The following AVEN variants were observed in gnomAD, a reference collection of about 807,000 sequenced individuals.
AVEN encodes the protein cell death regulator Aven.
Under a neutral mutation model 38.1 loss-of-function variants are expected in AVEN, and 41 were observed. The ratio of observed to expected loss-of-function variants is 1.08; its 90% CI spans 0.84 to 1.40. The LOEUF (loss-of-function observed/expected upper bound fraction) is 1.40, where lower values mean the gene tolerates loss of function less well. AVEN is among the 40% of genes most tolerant of loss of function. The pLI, the probability that AVEN is intolerant of heterozygous loss-of-function variation, is 0.00. For missense variants in AVEN, 605 were observed against 438.8 expected (o/e 1.38, Z -3.38); for synonymous variants, 206 against 171.8 (o/e 1.20, Z -1.56).
At chr15:33,908,800 A>G (rs188703879) in intron 2 of AVEN, among the ~76,000 whole-genome samples, 57 of 152,320 alleles carry the variant, frequency 3.7e-4, no homozygotes, top group African/African-American at 1.0e-3. Flanking sequence ...AAGACAAATA[A>G]TTCAGTTAAT....
At chr15:33,909,026 A>G (rs1187428484) in intron 2 of AVEN, among the ~76,000 whole-genome samples, 1 of 152,180 alleles carries the variant, frequency 6.6e-6, no homozygotes, top group Non-Finnish European at 1.5e-5. Context: ...TACCCCCTGT[A>G]GTGGTTTTCT....
downstream of AVEN, chr15:33,865,276 A>G (rs1567375291): frequency 1.5e-6 from 2 of 1,336,378 alleles, no homozygotes; most frequent in Admixed American, 3.6e-5. Flanking sequence ...TTCCCATGAA[A>G]TAAAGTCCCC....
chr15:33,950,230 T>C (rs1425753947), intron 2 of AVEN, among the ~76,000 whole-genome samples: 2 of 152,184 alleles, frequency 1.3e-5, no homozygotes, highest in African/African-American at 2.4e-5. Context: ...GGGGAGATGC[T>C]GGTCAAAGGG....
chr15:33,867,454 A>G, intron 5 of AVEN, 41 bp downstream of exon 5: 2 of 1,535,338 alleles, frequency 1.3e-6, no homozygotes, highest in East Asian at 4.5e-5. Context: ...TTGAAAAAAC[A>G]CCAGAATCAA....
chr15:33,993,764 C>T (rs946066384), intron 2 of AVEN, among the ~76,000 whole-genome samples: 4 of 152,098 alleles, frequency 2.6e-5, no homozygotes, highest in African/African-American at 7.2e-5. Context: ...TAGAGGTGAC[C>T]GCAATCATGA....
chr15:33,859,616 T>C lies in AVEN; in HGVS notation n.2730-522A>G, dbSNP rs562542953. 5.0e-6 allele frequency: 8 copies of C among 1,614,024 alleles called. No homozygotes were observed. The East Asian group carries it at 8.9e-5, about 18-fold the overall frequency. On this transcript the variant is annotated intron_variant and non_coding_transcript_variant, in intron 11 of 11. Coordinates refer to the AVEN transcript ENST00000675287. ...TGTACGTGGGAGTGAGAGCAGGAGG[T>C]GGCATTGGTGATGAAATTGAAGACC...
At chr15:33,987,549 C>T (rs971915485) in intron 2 of AVEN, among the ~76,000 whole-genome samples, 3 of 152,196 alleles carry the variant, frequency 2.0e-5, no homozygotes, top group Non-Finnish European at 4.4e-5. Context: ...CTTTGCCCAT[C>T]CCCTTCTTCT....
At chr15:33,982,618 C>T (rs910049397) in intron 2 of AVEN, among the ~76,000 whole-genome samples, 4 of 151,828 alleles carry the variant, frequency 2.6e-5, no homozygotes, top group African/African-American at 9.7e-5. Flanking sequence ...AAATGTTTAC[C>T]CATATCTACC....
At chr15:34,047,602 G>A (rs1899758299) in intron 5 of AVEN, among the ~76,000 whole-genome samples, 1 of 152,176 alleles carries the variant, frequency 6.6e-6, no homozygotes, top group South Asian at 2.1e-4. Flanking sequence ...CTCCCAGCGG[G>A]AGGATGACTG....
downstream of AVEN, chr15:33,865,931 G>C (rs2153031615): frequency 6.5e-6 from 1 of 152,796 alleles, no homozygotes; most frequent in African/African-American, 2.4e-5. Context: ...TCAGTCAACT[G>C]CTGTTATTAG....
downstream of AVEN, chr15:33,865,405 C>A: frequency 1.7e-6 from 1 of 575,324 alleles, no homozygotes; most frequent in Non-Finnish European, 3.1e-6. Flanking sequence ...GCCTAATGGA[C>A]ATACACTGTG....
In AVEN at chr15:33,870,946, C is replaced by A. The variant is rs202088512; in HGVS notation, c.601G>T (p.Glu201Ter). 1 of 1,610,886 alleles carries A rather than the reference C, an allele frequency of 6.2e-7. No individual in the cohort carries two copies. Among genetic ancestry groups the A allele is most frequent in the Non-Finnish European group, 8.5e-7 (1 of 1,178,062 alleles). The change falls in exon 4 of 6, where the codon GAA (glutamate) becomes TAA (stop). Residue 201 changes from glutamate (E) to a stop codon, truncating the protein, a stop_gained. Transcript: ENST00000306730. LOFTEE classifies it high-confidence loss of function. ...PLCLRLNVAAELVQGTVPLEV... is the reference protein window; with the variant it reads ...PLCLRLNVAA ...TTCGGGATTTTTACCTGGACCAGTT[C>A]GGCAGCAACGTTGAGTCGGAGGCAG...
chr15:34,067,413 T>G (rs1037480561), intron 2 of AVEN: 6 of 152,236 alleles, frequency 3.9e-5, no homozygotes, highest in Admixed American at 3.9e-4. Flanking sequence ...GCTGCTTTTC[T>G]GTATTGTATA....
chr15:34,060,881 T>G (rs920625310), intron 5 of AVEN, among the ~76,000 whole-genome samples: 1 of 151,232 alleles, frequency 6.6e-6, no homozygotes, highest in African/African-American at 2.4e-5. Context: ...CCGGGCGTGG[T>G]GGCAGGCGCC....
At chr15:33,853,041 T>C in the AVEN span, 1 of 1,605,224 alleles carries the variant, frequency 6.2e-7, no homozygotes, top group Non-Finnish European at 8.5e-7. Context: ...GTTTTGTTTT[T>C]CAGATCTTTT....
At chr15:33,913,492 T>C (rs1481045752) in intron 2 of AVEN, among the ~76,000 whole-genome samples, 1 of 152,198 alleles carries the variant, frequency 6.6e-6, no homozygotes, top group African/African-American at 2.4e-5. Flanking sequence ...TAATTATGTT[T>C]TGCTTCATCT....
chr15:33,909,970 T>C (rs550770972), intron 2 of AVEN, among the ~76,000 whole-genome samples: 21 of 148,834 alleles, frequency 1.4e-4, no homozygotes, highest in Admixed American at 4.0e-4. Context: ...AAAATACAAA[T>C]ACAAAAAATT....
chr15:34,067,400 T>G (rs1900539189), intron 2 of AVEN: 1 of 152,258 alleles, frequency 6.6e-6, no homozygotes, highest in Non-Finnish European at 1.5e-5. Context: ...ATATGGGGAC[T>G]GGGCTGCTTT....
chr15:33,864,824 C>G (rs919805938), downstream of AVEN: 2 of 279,760 alleles, frequency 7.1e-6, no homozygotes, highest in African/African-American at 4.3e-5. Flanking sequence ...CTTCCACCAG[C>G]GGCATGGAAT....
Sources: gnomAD v4.1 joint callset for allele counts (sites outside exome capture counted in the v4.1 genomes callset) on GRCh38, gnomAD v4.1.1 for gene constraint, MANE v1.5 for transcripts, NCBI Gene and HGNC (gene_info 2026-07-23, HGNC 2026-07-21) for gene names.